The following ABCB6 variants were observed in gnomAD, a reference collection of about 807,000 sequenced individuals.
ABCB6 encodes the protein ATP-binding cassette sub-family B member 6.
In ABCB6, 87 loss-of-function variants were observed where a neutral mutation model predicts 99.4. That is an observed-to-expected ratio of 0.88 (90% confidence interval 0.74 to 1.05). The LOEUF is 1.05. ABCB6 is among the 50% of genes least tolerant of loss of function. ABCB6 has a pLI of 0.00. For synonymous variants in ABCB6, 482 were observed against 447.5 expected (o/e 1.08, Z -0.97); for missense variants, 1,050 against 1,097.9 (o/e 0.96, Z 0.62).
intron 13 of ABCB6, among the ~76,000 whole-genome samples, chr2:219,212,802 A>G (rs1384896252): frequency 1.3e-5 from 2 of 152,162 alleles, no homozygotes; most frequent in East Asian, 3.9e-4. Context: ...GATTACAGGC[A>G]TGTGCCACCG....
intron 1 of ABCB6, 66 bp downstream of exon 1, chr2:219,218,057 CTG>C (rs1454362575): frequency 1.8e-5 from 28 of 1,518,758 alleles, no homozygotes; most frequent in Non-Finnish European, 2.4e-5. Flanking sequence ...AGCAGTGTGA[CTG>C]GACATGCAGT....
rs1204348484 is a variant in ABCB6, at chr2:219,217,806, A to G, written c.551T>C (p.Val184Ala). 1.9e-6 allele frequency: 3 copies of G among 1,610,272 alleles called. No homozygotes were observed. The Admixed American group carries it at 5.1e-5, about 27-fold the overall frequency. Residue 184 changes from valine (V) to alanine (A), a missense_variant and splice_region_variant, in exon 2 of 19, where the codon GTT becomes GCT. Coordinates refer to ENST00000265316, the MANE Select transcript of ABCB6 (RefSeq NM_005689.4). ...CCGCAGCACCCACAGGCTAAACTGA[A>G]CCTAGAATGAAATATAAGTGGAGAG... The part of the protein sequence containing the change: ...WWARADLGQQ[V>A]QFSLWVLRYV...
chr2:219,218,313 C>T lies in ABCB6; in HGVS notation c.361G>A (p.Gly121Ser), dbSNP rs946009139. The T allele has an allele frequency of 6.2e-7, 1 of 1,613,356 alleles. No homozygotes were observed. The highest frequency in any genetic ancestry group is 8.5e-7 in the Non-Finnish European group (1 of 1,180,044). Residue 121 changes from glycine to serine, a missense_variant, in exon 1 of 19, where the codon GGC becomes AGC. Coordinates refer to ENST00000265316, the MANE Select transcript of ABCB6 (RefSeq NM_005689.4). ...SVLESLAGAC[G>S]LWLLVVERSQ... is the part of the protein sequence containing the mutation. Reference sequence around the variant, plus strand: ...CGCTCCACGACAAGCAGCCACAGGCCACAGGCGCCGGCCAGACTCTCCAGC... The same window carrying T: ...CGCTCCACGACAAGCAGCCACAGGCTACAGGCGCCGGCCAGACTCTCCAGC...
intron 14 of ABCB6, among the ~76,000 whole-genome samples, 170 bp from the exon 15 acceptor site, chr2:219,211,278 C>A (rs1408968481): frequency 6.6e-6 from 1 of 152,230 alleles, no homozygotes; most frequent in Non-Finnish European, 1.5e-5. Flanking sequence ...TCCCCATCTT[C>A]TCTTCCTGCT....
rs372531253 is a variant in ABCB6 at position 219,212,546 on chromosome 2, C to G, written c.1864-55G>C. ...GGCCCACTGGCTTTTTTTTTGAGAC[C>G]GAATCTCACTCCGTCACCCAGGCTG... is the stretch of plus-strand genomic sequence containing the variant. On this transcript the variant is annotated intron_variant, in intron 13 of 18. Transcript: ENST00000265316. The G allele has an allele frequency of 1.8e-5, 25 of 1,352,748 alleles. No homozygotes were observed. In the East Asian group the frequency reaches 2.8e-4, roughly 15 times the overall value. 83.8% of individuals were successfully genotyped at this position (1,352,748 alleles called of 1,614,324 possible).
Position 219,210,053 on chromosome 2 carries a change from TGAG to T in ABCB6, c.2421-10_2421-8del, listed in dbSNP as rs754240082. ...GGACAACAGAGCCTCGTGTCTGGGGTGAGGAGAAAAGTGTGAGTCCTAACCATT... is the reference window on the plus strand; with the variant it reads ...GGACAACAGAGCCTCGTGTCTGGGGTGAGAAAAGTGTGAGTCCTAACCATT... On this transcript the variant is annotated splice_polypyrimidine_tract_variant and splice_region_variant and intron_variant, in intron 18 of 18. Transcript: ENST00000265316. The T allele has an allele frequency of 8.1e-6, 13 of 1,613,336 alleles. No homozygotes were observed. The Admixed American group carries it at 2.2e-4, about 27-fold the overall frequency.
Position 219,217,997 on chromosome 2 carries a change from G to T in ABCB6, c.549+128C>A. 7 of 1,379,450 alleles carry T rather than the reference G, an allele frequency of 5.1e-6. 1 individual carries two copies. The South Asian group carries it at 8.9e-5, about 18-fold the overall frequency. The allele number at this position is 1,379,450 out of a possible 1,614,324, so 85.5% of individuals were successfully genotyped here. On this transcript the variant is annotated intron_variant, in intron 1 of 18. Coordinates refer to ENST00000265316, the MANE Select transcript of ABCB6 (RefSeq NM_005689.4). Reference sequence around the variant, plus strand: ...CCAGCTGGCTATCAGCTCCCGGCAGGACTCAGCCCCTCCCTTCTCCCTTTG... The same window carrying T: ...CCAGCTGGCTATCAGCTCCCGGCAGTACTCAGCCCCTCCCTTCTCCCTTTG...
At chr2:219,214,550 A>C (rs773314542) in intron 6 of ABCB6, 52 bp from the exon 7 acceptor site, 2 of 1,349,206 alleles carry the variant, frequency 1.5e-6, no homozygotes. Flanking sequence ...CCAAAAGCAG[A>C]GACCAAATGT....
chr2:219,212,494 G>A lies in ABCB6; in HGVS notation c.1864-3C>T. 1 of 1,612,590 alleles carries A rather than the reference G, an allele frequency of 6.2e-7. No individual in the cohort carries two copies. The highest frequency in any genetic ancestry group is 1.7e-4 in the Middle Eastern group (1 of 6,052). On this transcript the variant is annotated splice_region_variant and splice_polypyrimidine_tract_variant and intron_variant, in intron 13 of 18. Coordinates refer to ENST00000265316, the MANE Select transcript of ABCB6 (RefSeq NM_005689.4). ...TTCCCTGCCCCAGATGGGCCCACCT[G>A]TTGCATTGGAAATGGGAAAAATCTC...
intron 11 of ABCB6, 24 bp from the exon 12 acceptor site, chr2:219,213,350 G>T: frequency 6.2e-7 from 1 of 1,613,904 alleles, no homozygotes. Context: ...ACCCATGTGT[G>T]CTGAGGTTCT....
In ABCB6 at chr2:219,218,851, G is replaced by A. The variant is rs910497174; in HGVS notation, c.-178C>T. ...CCAGGCCTCACCGCCCACTCCCCTA[G>A]CGCACGCGCCGCCGCCACGCACTCA... On this transcript the variant is annotated 5_prime_UTR_variant, in exon 1 of 19. Coordinates refer to ENST00000265316, the MANE Select transcript of ABCB6 (RefSeq NM_005689.4). 22 of 642,602 alleles carry A rather than the reference G, an allele frequency of 3.4e-5. No homozygotes were observed. Among genetic ancestry groups the A allele is most frequent in the Non-Finnish European group, 5.5e-5 (22 of 402,682 alleles). 39.8% of individuals were successfully genotyped at this position (642,602 alleles called of 1,614,324 possible). A position where few individuals can be genotyped will look rare whatever the true frequency, so the allele number is the denominator to read the frequency against.
intron 16 of ABCB6, 36 bp downstream of exon 16, chr2:219,210,675 C>A: frequency 6.2e-7 from 1 of 1,612,498 alleles, no homozygotes; most frequent in Non-Finnish European, 8.5e-7. Context: ...TGAGCATACA[C>A]AAGGCAGGAA....
Position 219,214,988 on chromosome 2 carries a change from C to T in ABCB6, c.1249G>A (p.Val417Met). The T allele has an allele frequency of 6.2e-7, 1 of 1,614,122 alleles. No homozygotes were observed. The highest frequency in any genetic ancestry group is 8.5e-7 in the Non-Finnish European group (1 of 1,180,012). The stretch of plus-strand genomic sequence containing the variant: ...AGGTAAAGACTCATGCACAGGAACA[C>T]AATGAGGCCAAACCAGGCGTTGAAG... ...MFFNAWFGLI[V>M]FLCMSLYLTL... is the part of the protein sequence containing the mutation. The change falls in exon 6 of 19, where the codon GTG becomes ATG. Residue 417 changes from valine (V) to methionine (M), a missense_variant. Coordinates refer to ENST00000265316, the MANE Select transcript of ABCB6 (RefSeq NM_005689.4).
chr2:219,213,700 G>A, intron 9 of ABCB6, 34 bp from the exon 10 acceptor site: 2 of 1,613,774 alleles, frequency 1.2e-6, no homozygotes, highest in Non-Finnish European at 1.7e-6. Context: ...CATGTCACGG[G>A]GGGCCTGCAG....
chr2:219,213,724 T>G, intron 9 of ABCB6, 58 bp from the exon 10 acceptor site: 1 of 1,613,552 alleles, frequency 6.2e-7, no homozygotes, highest in South Asian at 1.1e-5. Context: ...GCTCTTCTTG[T>G]GTCACCCTGC....
At chr2:219,217,569 G>A (rs1466510147) in intron 2 of ABCB6, 101 bp downstream of exon 2, 8 of 949,124 alleles carry the variant, frequency 8.4e-6, no homozygotes, top group South Asian at 3.3e-5. Context: ...GCTTGAACCC[G>A]GGAGGTGGAG....
intron 5 of ABCB6, chr2:219,215,501 G>C (rs1950628281): frequency 5.5e-6 from 1 of 180,410 alleles, no homozygotes; most frequent in Non-Finnish European, 1.2e-5. Flanking sequence ...CAGCACTTTG[G>C]AATGCTAGGT....
chr2:219,215,848 G>C (rs1239343885), intron 5 of ABCB6, 149 bp downstream of exon 5: 10 of 782,252 alleles, frequency 1.3e-5, no homozygotes, highest in Non-Finnish European at 1.9e-5. Context: ...GTTATTAGGA[G>C]AGCATGTATA....
In ABCB6 at chr2:219,218,468, C is replaced by A. The variant is rs1416242027; in HGVS notation, c.206G>T (p.Arg69Leu). ...CAGCTGCAGCACGTAGGGAGAGATG[C>A]GAGGGCCGGCCCCCCAAGACAGCGA... ...ADSLSWGAGP[R>L]ISPYVLQLLL... The change falls in exon 1 of 19, where the codon CGC (arginine) becomes CTC (leucine). Residue 69 changes from arginine (R) to leucine (L), a missense_variant. Physicochemically the swap from Arg to Leu is moderately radical, Grantham distance 102. Transcript: ENST00000265316. 4 of 1,607,174 alleles carry A rather than the reference C, an allele frequency of 2.5e-6. No homozygotes were observed. The highest frequency in any genetic ancestry group is 3.4e-6 in the Non-Finnish European group (4 of 1,177,298).
Sources: gnomAD v4.1 joint callset for allele counts (sites outside exome capture counted in the v4.1 genomes callset) on GRCh38, gnomAD v4.1.1 for gene constraint, MANE v1.5 for transcripts, NCBI Gene and HGNC (gene_info 2026-07-23, HGNC 2026-07-21) for gene names.